The following ERAP2 variants were observed in gnomAD, a reference collection of about 807,000 sequenced individuals.
The protein encoded by ERAP2 is endoplasmic reticulum aminopeptidase 2.
ERAP2 carries 118 observed loss-of-function variants against 111.1 expected under a neutral mutation model. The observed-to-expected ratio is 1.06, with a 90% CI of 0.92 to 1.24. The LOEUF (loss-of-function observed/expected upper bound fraction) is 1.24. ERAP2 is among the 50% of genes most tolerant of loss of function. The pLI, the probability that ERAP2 is intolerant of heterozygous loss-of-function variation, is 0.00. For synonymous variants in ERAP2, 410 were observed against 401.2 expected (o/e 1.02, Z -0.26); for missense variants, 1,131 against 1,125.8 (o/e 1.00, Z -0.07).
rs1426214696 is a variant in ERAP2 at position 96,886,765 on chromosome 5, T to G, written c.825T>G (p.Ser275Arg). 6 of 1,519,602 alleles carry G rather than the reference T, an allele frequency of 3.9e-6. No homozygotes were observed. The highest frequency in any genetic ancestry group is 5.4e-6 in the Non-Finnish European group (6 of 1,115,796). The allele number at this position is 1,519,602 out of a possible 1,614,324, so 94.1% of individuals were successfully genotyped here. ...TAGTTTGTGATTTCCACTCTCTGAG[T>G]GGCTTCACTTCATCAGGGGTCAAGG... ...AYIVCDFHSL[S>R]GFTSSGVKVS... The change falls in exon 4 of 19, where the codon AGT (serine) becomes AGG (arginine). Residue 275 changes from serine to arginine, a missense_variant. Coordinates refer to ENST00000437043, the MANE Select transcript of ERAP2 (RefSeq NM_022350.5).
chr5:96,896,642 ATG>A (rs1304407430), intron 8 of ERAP2, 88 bp from the exon 9 acceptor site: 6 of 360,400 alleles, frequency 1.7e-5, no homozygotes, highest in South Asian at 7.1e-5. Flanking sequence ...GACATCACAC[ATG>A]TTCCGTAAAA....
intron 15 of ERAP2, 79 bp from the exon 16 acceptor site, chr5:96,912,558 T>G: frequency 9.7e-7 from 1 of 1,027,176 alleles, no homozygotes; most frequent in Middle Eastern, 2.7e-4. Flanking sequence ...ATTATTGTGT[T>G]ATAGGACTTA....
At position 96,901,638 on chromosome 5, in the gene ERAP2, G is replaced by A; in HGVS notation, c.1705G>A (p.Gly569Arg). Reference sequence around the variant, plus strand: ...ACTGCAACAGGAGCGCTTCCTCCAGGGGGTTTTCCAGGAAGACCCTGAATG... The same window carrying A: ...ACTGCAACAGGAGCGCTTCCTCCAGAGGGTTTTCCAGGAAGACCCTGAATG... ...LRLQQERFLQ[G>R]VFQEDPEWRA... is the part of the protein sequence containing the mutation. The change falls in exon 11 of 19, where the codon GGG becomes AGG. Residue 569 changes from glycine (G) to arginine (R), a missense_variant. By Grantham distance (125) the Gly-to-Arg change is moderately radical (BLOSUM62 -2). Transcript: ENST00000437043. The A allele has an allele frequency of 6.2e-7, 1 of 1,613,982 alleles. No individual in the cohort carries two copies. The highest frequency in any genetic ancestry group is 8.5e-7 in the Non-Finnish European group (1 of 1,179,922).
At chr5:96,901,176 GTTTGTTTGTTTGAT>G (rs906618899) in intron 10 of ERAP2, among the ~76,000 whole-genome samples, 10 of 125,216 alleles carry the variant, frequency 8.0e-5, no homozygotes, top group African/African-American at 2.9e-4. Context: ...GGTTTTGTTT[GTTTGTTTGTTTGAT>G]TTTGTTTGTT....
At chr5:96,889,125 G>T in intron 4 of ERAP2, 60 bp from the exon 5 acceptor site, 1 of 1,602,996 alleles carries the variant, frequency 6.2e-7, no homozygotes. Flanking sequence ...AGGGTTATCA[G>T]GAATGGAATT....
At chr5:96,901,782 G>C in intron 11 of ERAP2, 101 bp downstream of exon 11, 5 of 1,201,752 alleles carry the variant, frequency 4.2e-6, no homozygotes, top group Non-Finnish European at 5.7e-6. Flanking sequence ...TAGGATGCTA[G>C]TTCCATATAA....
At chr5:96,888,421 T>A (rs1783989524) in intron 4 of ERAP2, among the ~76,000 whole-genome samples, 1 of 152,254 alleles carries the variant, frequency 6.6e-6, no homozygotes, top group East Asian at 1.9e-4. Context: ...TAAATCATTA[T>A]GTGTTTTTAT....
intron 13 of ERAP2, among the ~76,000 whole-genome samples, chr5:96,906,969 A>C (rs1214688082): frequency 6.6e-6 from 1 of 152,230 alleles, no homozygotes; most frequent in Non-Finnish European, 1.5e-5. Flanking sequence ...CAGAGGTTGC[A>C]GTGAGCCAAG....
chr5:96,890,470 A>G (rs1266676001), intron 5 of ERAP2, among the ~76,000 whole-genome samples: 1 of 152,120 alleles, frequency 6.6e-6, no homozygotes, highest in Non-Finnish European at 1.5e-5. Flanking sequence ...TAGGCCATTG[A>G]CAGGTACTGG....
chr5:96,902,559 A>T (rs1281061386), intron 12 of ERAP2: 1 of 488,196 alleles, frequency 2.0e-6, no homozygotes, highest in Non-Finnish European at 3.7e-6. Flanking sequence ...TTGCGCTTTT[A>T]TCATTTAGAG....
Position 96,886,726 on chromosome 5 carries a change from C to T in ERAP2, c.786C>T (p.Tyr262=). 1.3e-6 allele frequency: 2 copies of T among 1,548,956 alleles called. No individual in the cohort carries two copies. Among genetic ancestry groups the T allele is most frequent in the African/African-American group, 1.3e-5 (1 of 74,174 alleles). ...AAACTACTGTAAAAATGAGTACATACCTTGTAGCCTACATAGTTTGTGATT... is the reference window on the plus strand; with the variant it reads ...AAACTACTGTAAAAATGAGTACATATCTTGTAGCCTACATAGTTTGTGATT... ...HFETTVKMST[Y]LVAYIVCDFH... The change falls in exon 4 of 19, where the codon TAC becomes TAT. Residue 262 remains tyrosine, a synonymous_variant. Coordinates refer to ENST00000437043, the MANE Select transcript of ERAP2 (RefSeq NM_022350.5).
In ERAP2 at chr5:96,892,285, T is replaced by A. The variant is rs750912735; in HGVS notation, c.971-14T>A. On this transcript the variant is annotated splice_polypyrimidine_tract_variant and intron_variant, in intron 5 of 18. Coordinates refer to ENST00000437043, the MANE Select transcript of ERAP2 (RefSeq NM_022350.5). ...GAGCCATAAAACTCAAGTATGGTTG[T>A]TCTTATTTCTTAGATTTAATTGCTA... The A allele has an allele frequency of 2.5e-6, 4 of 1,613,376 alleles. No homozygotes were observed. Among genetic ancestry groups the A allele is most frequent in the Non-Finnish European group, 3.4e-6 (4 of 1,179,452 alleles).
chr5:96,906,621 C>T (rs1173641450), intron 13 of ERAP2, among the ~76,000 whole-genome samples: 1 of 152,154 alleles, frequency 6.6e-6, no homozygotes, highest in African/African-American at 2.4e-5. Context: ...GGTTTTCATA[C>T]ATTTTAAATG....
intron 8 of ERAP2, 24 bp from the exon 9 acceptor site, chr5:96,896,708 C>A: frequency 6.5e-7 from 1 of 1,547,270 alleles, no homozygotes; most frequent in South Asian, 1.2e-5. Flanking sequence ...TCTCTTTTTT[C>A]AACTCTTTTG....
intron 2 of ERAP2, chr5:96,881,308 A>T: frequency 2.4e-6 from 1 of 413,200 alleles, no homozygotes; most frequent in Admixed American, 2.7e-5. Flanking sequence ...AATTTGGGCC[A>T]GGCTAGTGGC....
At position 96,882,389 on chromosome 5, in the gene ERAP2, G is replaced by T. The variant is rs535685428; in HGVS notation, c.576-1403G>T. Among the ~76,000 whole-genome samples the T allele has an allele frequency of 3.7e-4, 57 of 152,318 alleles. 2 individuals are homozygous for T. In the South Asian group the frequency reaches 0.012, roughly 31 times the overall value. ...CCGTGATTAATTGCAGGCTATTCCT[G>T]ATGCTCCTTATGGTTAATTAGTCAG... On this transcript the variant is annotated intron_variant, in intron 2 of 18. Coordinates refer to ENST00000437043, the MANE Select transcript of ERAP2 (RefSeq NM_022350.5).
chr5:96,905,070 T>C (rs1581880606), intron 13 of ERAP2, among the ~76,000 whole-genome samples: 1 of 152,302 alleles, frequency 6.6e-6, no homozygotes, highest in East Asian at 1.9e-4. Context: ...GAGGATTGCA[T>C]AGGTAATGAA....
chr5:96,917,353 TCAATTGATCTGCC>T, intron 18 of ERAP2, 96 bp from the exon 19 acceptor site: 1 of 937,000 alleles, frequency 1.1e-6, no homozygotes, highest in Non-Finnish European at 1.6e-6. Flanking sequence ...ACTCCTGAGC[TCAATTGATCTGCC>T]CACCTTGGCC....
intron 3 of ERAP2, among the ~76,000 whole-genome samples, chr5:96,885,848 A>T (rs1783663611): frequency 6.6e-6 from 1 of 152,228 alleles, no homozygotes; most frequent in Non-Finnish European, 1.5e-5. Flanking sequence ...ATGAAGATAG[A>T]ATTCAGTCAT....
Sources: gnomAD v4.1 joint callset for allele counts (sites outside exome capture counted in the v4.1 genomes callset) on GRCh38, gnomAD v4.1.1 for gene constraint, MANE v1.5 for transcripts, NCBI Gene and HGNC (gene_info 2026-07-23, HGNC 2026-07-21) for gene names.